The following KCNQ1 variants were observed in gnomAD, a reference collection of about 807,000 sequenced individuals.
KCNQ1 encodes potassium voltage-gated channel subfamily Q member 1.
A neutral mutation model predicts 72.4 loss-of-function variants in KCNQ1; 49 were observed. The ratio of observed to expected loss-of-function variants is 0.68; its 90% CI spans 0.54 to 0.86. The LOEUF (loss-of-function observed/expected upper bound fraction) is 0.86. KCNQ1 is among the 40% of genes least tolerant of loss of function. KCNQ1 has a pLI of 0.00. For synonymous variants in KCNQ1, 450 were observed against 412.6 expected (o/e 1.09, Z -1.10); for missense variants, 790 against 945.1 (o/e 0.84, Z 2.15).
chr11:2,790,803 G>C (rs1249578914), intron 15 of KCNQ1, among the ~76,000 whole-genome samples: 1 of 152,204 alleles, frequency 6.6e-6, no homozygotes, highest in Non-Finnish European at 1.5e-5. Flanking sequence ...AGCTCAGAGG[G>C]TGTGAGCATG....
rs1554898441 is a variant in KCNQ1, at chr11:2,620,946, TTG to T, written c.1393+32094_1393+32095del. On this transcript the variant is annotated intron_variant, in intron 10 of 15. Transcript: ENST00000155840. This position sits in a 1 kb window ranked among gnomAD's most constrained non-coding sequence, Gnocchi z 4.5. The stretch of plus-strand genomic sequence containing the variant: ...GTTTTTTTGTTGTTGTTGTTTTGTT[TTG>T]TTTTTTTTTGTCTGTTTTTTGCTTT... 5.3e-5 allele frequency: 16 copies of T among 303,206 alleles called. No individual in the cohort carries two copies. Among genetic ancestry groups the T allele is most frequent in the African/African-American group, 8.6e-5 (2 of 23,154 alleles). The allele number at this position is 303,206 out of a possible 1,614,324, so 18.8% of individuals were successfully genotyped here.
In KCNQ1 at chr11:2,620,224, AT is replaced by A. The variant is rs1346302503; in HGVS notation, c.1393+31380del. 4.4e-3 allele frequency: 988 copies of A among 224,250 alleles called. 1 individual carries two copies. Among genetic ancestry groups the A allele is most frequent in the East Asian group, 6.8e-3 (84 of 12,276 alleles). 13.9% of individuals were successfully genotyped at this position (224,250 alleles called of 1,614,324 possible). A position where few individuals can be genotyped will look rare whatever the true frequency, so the allele number is the denominator to read the frequency against. ...GTATATATATATATTTTTTTTTTTT[AT>A]TTTTTTTTTAGACGGAGTTTCGCTC... On this transcript the variant is annotated intron_variant, in intron 10 of 15. Transcript: ENST00000155840. This position sits in a 1 kb window ranked among gnomAD's most constrained non-coding sequence, Gnocchi z 4.5.
At chr11:2,814,597 T>G (rs765149229) in intron 15 of KCNQ1, among the ~76,000 whole-genome samples, 1 of 144,332 alleles carries the variant, frequency 6.9e-6, no homozygotes, top group Non-Finnish European at 1.5e-5. Flanking sequence ...GATGGATAGG[T>G]GGATGGGTAG....
At chr11:2,794,966 G>C (rs1590092528) in intron 15 of KCNQ1, among the ~76,000 whole-genome samples, 3 of 152,338 alleles carry the variant, frequency 2.0e-5, no homozygotes, top group Middle Eastern at 6.8e-3. Flanking sequence ...CACACCCCCA[G>C]AAGCTGTGCG....
At chr11:2,774,443 A>T (rs993694561) in intron 12 of KCNQ1, among the ~76,000 whole-genome samples, 1 of 152,042 alleles carries the variant, frequency 6.6e-6, no homozygotes. Context: ...TGATCTCAGG[A>T]TCTCCCGTTC....
Position 2,723,023 on chromosome 11 carries a change from G to A in KCNQ1, c.1515-45821G>A, listed in dbSNP as rs1590053332. ...CACCTCACACCCTTGTGGGCCAGCTGCGGCCCAAAAGCCTCCTGGCCTCCA... is the reference window on the plus strand; with the variant it reads ...CACCTCACACCCTTGTGGGCCAGCTACGGCCCAAAAGCCTCCTGGCCTCCA... On this transcript the variant is annotated intron_variant, in intron 11 of 15. Coordinates refer to ENST00000155840, the MANE Select transcript of KCNQ1 (RefSeq NM_000218.3). The surrounding 1 kb of genome is among the most constrained non-coding windows in gnomAD (Gnocchi z 4.2). 6.6e-6 allele frequency among the ~76,000 whole-genome samples: 1 copy of A among 152,228 alleles called. No homozygotes were observed. Among genetic ancestry groups the A allele is most frequent in the East Asian group, 1.9e-4 (1 of 5,198 alleles).
chr11:2,799,375 A>AGTGTGTGTGTGTGTGTGTGTGTGT (rs3079043), intron 15 of KCNQ1, among the ~76,000 whole-genome samples: 1 of 147,310 alleles, frequency 6.8e-6, no homozygotes, highest in Admixed American at 6.7e-5. Flanking sequence ...TGTAAGTTCG[A>AGTGTGTGTGTGTGTGTGTGTGTGT]GTGTGTGTGT....
At chr11:2,840,124 TAAAC>T (rs3987738) in intron 15 of KCNQ1, 106,391 of 151,578 alleles carry the variant, frequency 0.7, 38,321 homozygotes, top group Non-Finnish European at 0.8. Context: ...ACCAATAACA[TAAAC>T]AATCAATTAA....
chr11:2,496,912 C>A (rs1035051634), intron 1 of KCNQ1, among the ~76,000 whole-genome samples: 1 of 142,846 alleles, frequency 7.0e-6, no homozygotes, highest in African/African-American at 2.6e-5. Flanking sequence ...TTTTATTTAT[C>A]CTTTACTCAT....
intron 15 of KCNQ1, among the ~76,000 whole-genome samples, chr11:2,791,873 C>G (rs1272143980): frequency 1.3e-5 from 2 of 152,248 alleles, no homozygotes; most frequent in Non-Finnish European, 2.9e-5. Context: ...TGGACGGTGG[C>G]GTCCACAAAA....
intron 15 of KCNQ1, among the ~76,000 whole-genome samples, chr11:2,790,328 A>T (rs1307130516): frequency 1.3e-5 from 2 of 152,224 alleles, no homozygotes; most frequent in African/African-American, 4.8e-5. Context: ...CCCTGGCAGC[A>T]GTGCCCTAGC....
chr11:2,777,089 C>T (rs1203004628), intron 14 of KCNQ1, 57 bp downstream of exon 14: 4 of 1,526,670 alleles, frequency 2.6e-6, no homozygotes, highest in Non-Finnish European at 3.6e-6. Context: ...CTCTCCCGCA[C>T]CTCTGCCCTC....
intron 10 of KCNQ1, chr11:2,660,071 C>G (rs1590013136): frequency 1.0e-5 from 4 of 398,258 alleles, no homozygotes; most frequent in South Asian, 1.3e-4. Flanking sequence ...GATTCTTTTT[C>G]TCTTACGAGT....
At chr11:2,739,207 C>T (rs910091744) in intron 11 of KCNQ1, among the ~76,000 whole-genome samples, 3 of 152,222 alleles carry the variant, frequency 2.0e-5, no homozygotes, top group African/African-American at 7.2e-5. Context: ...GGGCCCCCAC[C>T]CATCCTGGCT....
intron 2 of KCNQ1, among the ~76,000 whole-genome samples, chr11:2,557,115 G>T (rs1288840698): frequency 1.3e-5 from 2 of 152,192 alleles, no homozygotes; most frequent in African/African-American, 4.8e-5. Flanking sequence ...AAAAATAAAG[G>T]AATGGCCAAA....
chr11:2,681,783 A>G (rs536392510), intron 11 of KCNQ1: 2 of 398,590 alleles, frequency 5.0e-6, no homozygotes, highest in East Asian at 7.1e-5. Context: ...TGGGAGGACC[A>G]GAATGGGTAC....
At position 2,673,058 on chromosome 11, in the gene KCNQ1, G is replaced by A. The variant is rs76172525; in HGVS notation, c.1514+10977G>A. 3.6e-3 allele frequency: 1,427 copies of A among 398,828 alleles called. 5 individuals are homozygous for A. Among genetic ancestry groups the A allele is most frequent in the Middle Eastern group, 0.013 (20 of 1,588 alleles). 24.7% of individuals were successfully genotyped at this position (398,828 alleles called of 1,614,324 possible). ...TCTAGGGCTGGCCAAAAGGGACAGT[G>A]AAGTTGGCTTCTCAGGCCACAGTAG... On this transcript the variant is annotated intron_variant, in intron 11 of 15. Transcript: ENST00000155840. The surrounding 1 kb of genome is among the most constrained non-coding windows in gnomAD (Gnocchi z 4.5).
At chr11:2,534,334 C>A (rs1404862232) in intron 2 of KCNQ1, among the ~76,000 whole-genome samples, 2 of 152,274 alleles carry the variant, frequency 1.3e-5, no homozygotes, top group African/African-American at 4.8e-5. Context: ...CTGCTCTGCG[C>A]ACGGCCTGGG....
intron 15 of KCNQ1, among the ~76,000 whole-genome samples, chr11:2,793,390 C>T (rs938590402): frequency 7.7e-6 from 1 of 129,896 alleles, no homozygotes; most frequent in South Asian, 2.4e-4. Flanking sequence ...GAGGCCAAGA[C>T]GGGGGGATGG....
Sources: allele counts gnomAD v4.1 joint callset (sites outside exome capture counted in the v4.1 genomes callset), GRCh38; gene constraint gnomAD v4.1.1; non-coding constraint Gnocchi (gnomAD v3.1); transcripts MANE v1.5; gene names NCBI Gene and HGNC (gene_info 2026-07-23, HGNC 2026-07-21).